The following DLG2 variants were observed in gnomAD, a reference collection of about 807,000 sequenced individuals.
The protein encoded by DLG2 is disks large homolog 2.
DLG2 carries 45 observed loss-of-function variants against 132.5 expected under a neutral mutation model. That is an observed-to-expected ratio of 0.34 (90% CI 0.27 to 0.44). DLG2 has a LOEUF of 0.44. DLG2 is among the 20% of genes least tolerant of loss of function. The pLI, the probability that DLG2 is intolerant of heterozygous loss-of-function variation, is 1.00. For synonymous variants in DLG2, 424 were observed against 419.6 expected, an observed-to-expected ratio of 1.01 and a Z score of -0.13; for missense variants, 1,045 against 1,196.9, an observed-to-expected ratio of 0.87 and a Z score of 1.87.
chr11:84,325,356 C>T (rs2098425406), intron 7 of DLG2, among the ~76,000 whole-genome samples: 1 of 151,888 alleles, frequency 6.6e-6, no homozygotes, highest in South Asian at 2.1e-4. Context: ...GCTATTCCTC[C>T]CCCAACCCCC....
chr11:83,747,284 C>CTTCCTTCG, intron 18 of DLG2, among the ~76,000 whole-genome samples: 1 of 104,978 alleles, frequency 9.5e-6, no homozygotes, highest in African/African-American at 3.3e-5. Flanking sequence ...ATCTTCCTTC[C>CTTCCTTCG]TTCCTTCCTT....
chr11:85,211,934 AT>A (rs144872356), intron 4 of DLG2, among the ~76,000 whole-genome samples: 3,111 of 152,196 alleles, frequency 0.02, 59 homozygotes, highest in Admixed American at 0.038. Context: ...AGGTCTCTAT[AT>A]TTCTTGAATG....
intron 4 of DLG2, among the ~76,000 whole-genome samples, chr11:85,274,917 G>C (rs2077791459): frequency 6.6e-6 from 1 of 152,112 alleles, no homozygotes; most frequent in Admixed American, 6.5e-5. Flanking sequence ...ATTAGCATTG[G>C]ATCATACCCT....
At chr11:84,329,493 C>T (rs569546158) in intron 7 of DLG2, among the ~76,000 whole-genome samples, 1 of 152,288 alleles carries the variant, frequency 6.6e-6, no homozygotes, top group South Asian at 2.1e-4. Context: ...CTTAGCATTC[C>T]TCTCTCCTGC....
At chr11:84,316,948 C>A in intron 7 of DLG2, 1 of 1,612,700 alleles carries the variant, frequency 6.2e-7, no homozygotes, top group Non-Finnish European at 8.5e-7. Flanking sequence ...TGAAGCTGGA[C>A]CCCCCGGTCC....
intron 18 of DLG2, among the ~76,000 whole-genome samples, chr11:83,672,205 T>G (rs2076945727): frequency 6.6e-6 from 1 of 152,062 alleles, no homozygotes; most frequent in Non-Finnish European, 1.5e-5. Flanking sequence ...TTCTTCTTTT[T>G]GATGGAATTT....
intron 6 of DLG2, among the ~76,000 whole-genome samples, chr11:84,735,624 G>A (rs571887679): frequency 7.9e-5 from 12 of 151,744 alleles, no homozygotes; most frequent in South Asian, 2.1e-4. Context: ...GATTTTTTTC[G>A]TCTCTAACTC....
At chr11:85,474,666 T>C (rs1288274363) in intron 3 of DLG2, among the ~76,000 whole-genome samples, 1 of 151,932 alleles carries the variant, frequency 6.6e-6, no homozygotes, top group Non-Finnish European at 1.5e-5. Context: ...AATAAAATTG[T>C]TCTCTATCTA....
At position 84,577,899 on chromosome 11, in the gene DLG2, G is replaced by T. The variant is rs946994797; in HGVS notation, c.358-43168C>A. ...GAGGCCCAGGAGGAAAAAGTGGTTT[G>T]GGGGCCAGGCCCAGGGTCCCTGTGC... is the stretch of plus-strand genomic sequence containing the variant. On this transcript the variant is annotated intron_variant, in intron 6 of 27. Coordinates refer to ENST00000376104, the MANE Select transcript of DLG2 (RefSeq NM_001142699.3). Among the ~76,000 whole-genome samples the T allele has an allele frequency of 3.3e-5, 5 of 152,212 alleles. No individual in the cohort carries two copies. The East Asian group carries it at 7.7e-4, about 24-fold the overall frequency.
At chr11:83,996,683 G>C (rs1452266152) in intron 11 of DLG2, among the ~76,000 whole-genome samples, 1 of 152,128 alleles carries the variant, frequency 6.6e-6, no homozygotes, top group Non-Finnish European at 1.5e-5. Flanking sequence ...GGTGGAACTG[G>C]AGATCATTAT....
chr11:85,005,968 T>C (rs1190127155), intron 6 of DLG2, among the ~76,000 whole-genome samples: 1 of 152,234 alleles, frequency 6.6e-6, no homozygotes, highest in Non-Finnish European at 1.5e-5. Flanking sequence ...CTTTTCTGCA[T>C]CTATTGAGAT....
At chr11:85,526,172 A>T (rs1418422761) in intron 3 of DLG2, among the ~76,000 whole-genome samples, 2 of 152,216 alleles carry the variant, frequency 1.3e-5, no homozygotes, top group African/African-American at 4.8e-5. Context: ...ACAAAGCACA[A>T]GAGCAAAAAT....
At chr11:85,502,276 G>A (rs143970391) in intron 3 of DLG2, among the ~76,000 whole-genome samples, 52 of 152,010 alleles carry the variant, frequency 3.4e-4, no homozygotes, top group African/African-American at 5.3e-4. Context: ...GTGGGGTGGT[G>A]GGCTAGGGGA....
intron 6 of DLG2, among the ~76,000 whole-genome samples, chr11:84,555,999 A>G (rs1171673765): frequency 6.6e-6 from 1 of 152,152 alleles, no homozygotes; most frequent in Non-Finnish European, 1.5e-5. Context: ...CATTTCCTAC[A>G]GTAGGAAGCA....
At chr11:83,517,393 T>C (rs559235302) in intron 21 of DLG2, among the ~76,000 whole-genome samples, 2 of 152,338 alleles carry the variant, frequency 1.3e-5, no homozygotes, top group South Asian at 4.1e-4. Flanking sequence ...TGGACTTCTC[T>C]GCATTGGTTA....
intron 21 of DLG2, among the ~76,000 whole-genome samples, chr11:83,507,577 G>GATAT (rs1337421119): frequency 7.1e-6 from 1 of 140,244 alleles, no homozygotes; most frequent in African/African-American, 2.6e-5. Context: ...ATATCCTATA[G>GATAT]ATATCTATAT....
At chr11:83,486,238 T>G (rs758876953) in intron 21 of DLG2, 21 of 691,512 alleles carry the variant, frequency 3.0e-5, no homozygotes. Flanking sequence ...TCAAGCATAT[T>G]TAAACTCCAG....
At chr11:85,508,370 T>G (rs2093982327) in intron 3 of DLG2, among the ~76,000 whole-genome samples, 1 of 152,058 alleles carries the variant, frequency 6.6e-6, no homozygotes, top group Non-Finnish European at 1.5e-5. Context: ...GCCCTTGCAC[T>G]TGCTATTCCC....
At chr11:83,907,591 T>C (rs572832804) in intron 15 of DLG2, among the ~76,000 whole-genome samples, 1 of 152,316 alleles carries the variant, frequency 6.6e-6, no homozygotes, top group East Asian at 1.9e-4. Flanking sequence ...CTTGATAGGA[T>C]GCTTGTGAGA....
Sources: gnomAD v4.1 joint callset for allele counts (sites outside exome capture counted in the v4.1 genomes callset) on GRCh38, gnomAD v4.1.1 for gene constraint, MANE v1.5 for transcripts, NCBI Gene and HGNC (gene_info 2026-07-23, HGNC 2026-07-21) for gene names.